Variants in PTPRN2 observed in about 807,000 individuals in gnomAD.
The protein encoded by PTPRN2 is protein tyrosine phosphatase receptor type N2.
In PTPRN2, 74 loss-of-function variants were observed where a neutral mutation model predicts 118.8. The ratio of observed to expected loss-of-function variants is 0.62; its 90% CI spans 0.52 to 0.76. The LOEUF is 0.76. Ranked by LOEUF, PTPRN2 falls within the 30% of genes least tolerant of loss-of-function variation. The pLI is 0.00. For synonymous variants in PTPRN2, 641 were observed against 608.0 expected, an observed-to-expected ratio of 1.05 and a Z score of -0.80; for missense variants, 1,481 against 1,394.4, an observed-to-expected ratio of 1.06 and a Z score of -0.99.
chr7:158,379,245 G>A (rs1222653984), intron 2 of PTPRN2, among the ~76,000 whole-genome samples: 6 of 152,198 alleles, frequency 3.9e-5, no homozygotes, highest in Non-Finnish European at 7.3e-5. Context: ...GGACCCCAGG[G>A]TGGGGGTGAC....
At chr7:158,430,173 T>C (rs1373857332) in intron 2 of PTPRN2, among the ~76,000 whole-genome samples, 2 of 152,240 alleles carry the variant, frequency 1.3e-5, no homozygotes, top group African/African-American at 4.8e-5. Context: ...CCCAAAGTGC[T>C]GAGATTACAG....
At chr7:157,860,736 GCAGA>G (rs1239777662) in intron 12 of PTPRN2, among the ~76,000 whole-genome samples, 15 of 152,366 alleles carry the variant, frequency 9.8e-5, no homozygotes, top group Middle Eastern at 3.4e-3. Flanking sequence ...TGGGTAGAGA[GCAGA>G]CAGTTTCTTA....
Position 157,550,288 on chromosome 7 carries a change from C to A in PTPRN2, c.2903-1269G>T, listed in dbSNP as rs563648758. ...ATCCCAGCAGGGTAGCAGGTGCCTGCGAAGCACCTCCAAGTCACAGCAGGT... is the reference window on the plus strand; with the variant it reads ...ATCCCAGCAGGGTAGCAGGTGCCTGAGAAGCACCTCCAAGTCACAGCAGGT... On this transcript the variant is annotated intron_variant, in intron 21 of 22. Coordinates refer to ENST00000389418, the MANE Select transcript of PTPRN2 (RefSeq NM_002847.5). The surrounding 1 kb of genome is among the most constrained non-coding windows in gnomAD (Gnocchi z 5.2). Among the ~76,000 whole-genome samples, 12 of 151,188 alleles carry A rather than the reference C, an allele frequency of 7.9e-5. No homozygotes were observed. In the South Asian group the frequency reaches 2.3e-3, roughly 29 times the overall value.
intron 2 of PTPRN2, among the ~76,000 whole-genome samples, chr7:158,395,557 CAGGGGCG>C (rs1226443909): frequency 5.1e-5 from 1 of 19,682 alleles, no homozygotes; most frequent in Non-Finnish European, 8.9e-5. Flanking sequence ...CGCGAGGGGC[CAGGGGCG>C]AGGGGCGAGG....
At chr7:158,556,085 G>C (rs1009807213) in intron 1 of PTPRN2, among the ~76,000 whole-genome samples, 1 of 152,212 alleles carries the variant, frequency 6.6e-6, no homozygotes, top group Admixed American at 6.6e-5. Context: ...TTGATAAATA[G>C]CTGATAGACA....
chr7:158,097,488 A>G (rs1814726894), intron 10 of PTPRN2, among the ~76,000 whole-genome samples: 1 of 152,184 alleles, frequency 6.6e-6, no homozygotes, highest in Non-Finnish European at 1.5e-5. Flanking sequence ...GCGTGCCCCG[A>G]ATGCCCCGGC....
At chr7:158,513,800 C>T (rs56326446) in intron 1 of PTPRN2, among the ~76,000 whole-genome samples, 29,453 of 152,192 alleles carry the variant, frequency 0.19, 3,546 homozygotes, top group South Asian at 0.36. Flanking sequence ...TGCCGGGCAG[C>T]GGGAATGTTT....
Position 157,801,788 on chromosome 7 carries a change from C to T in PTPRN2, c.1788+96885G>A, listed in dbSNP as rs944349932. On this transcript the variant is annotated intron_variant, in intron 12 of 22. Transcript: ENST00000389418. The surrounding 1 kb of genome is among the most constrained non-coding windows in gnomAD (Gnocchi z 4.2). ...ACGCCCGCTTAGTGGAAGAACAGAA[C>T]GGCCGCACAGAAAGTGCTTGGTCCT... Among the ~76,000 whole-genome samples, 15 of 152,274 alleles carry T rather than the reference C, an allele frequency of 9.9e-5. No individual in the cohort carries two copies. Among genetic ancestry groups the T allele is most frequent in the Admixed American group, 5.9e-4 (9 of 15,288 alleles).
chr7:157,742,885 A>G (rs1178852544), intron 12 of PTPRN2, among the ~76,000 whole-genome samples: 1 of 152,168 alleles, frequency 6.6e-6, no homozygotes, highest in African/African-American at 2.4e-5. Flanking sequence ...GATATTAAAT[A>G]CTCATAAGTA....
chr7:157,985,051 T>C (rs796098778), intron 11 of PTPRN2, among the ~76,000 whole-genome samples: 19 of 152,346 alleles, frequency 1.2e-4, no homozygotes, highest in African/African-American at 4.1e-4. Flanking sequence ...TCTTGGTTCA[T>C]GGGCCTTGAC....
intron 16 of PTPRN2, among the ~76,000 whole-genome samples, chr7:157,601,656 C>T (rs766153382): frequency 1.2e-4 from 19 of 152,234 alleles, no homozygotes; most frequent in African/African-American, 3.4e-4. Context: ...GTTTCCAGCT[C>T]GACACAGTTG....
intron 12 of PTPRN2, among the ~76,000 whole-genome samples, chr7:157,718,632 G>T (rs906425852): frequency 2.6e-5 from 4 of 151,052 alleles, no homozygotes; most frequent in African/African-American, 9.8e-5. Flanking sequence ...TCTCTCGGTG[G>T]CCCCGTGGTG....
intron 11 of PTPRN2, among the ~76,000 whole-genome samples, chr7:158,063,556 C>T (rs1360624521): frequency 6.6e-6 from 1 of 152,210 alleles, no homozygotes; most frequent in African/African-American, 2.4e-5. Context: ...CTTTGTTCTT[C>T]TGCTCTTTGC....
At chr7:157,933,201 A>G (rs1056795711) in intron 11 of PTPRN2, among the ~76,000 whole-genome samples, 4 of 141,924 alleles carry the variant, frequency 2.8e-5, no homozygotes, top group Non-Finnish European at 6.2e-5. Context: ...TCTGATTGAC[A>G]GTTTTAGAGG....
chr7:158,367,717 T>A (rs1315660425), intron 2 of PTPRN2, among the ~76,000 whole-genome samples: 3 of 152,214 alleles, frequency 2.0e-5, no homozygotes, highest in African/African-American at 7.2e-5. Context: ...AAATAAGCTC[T>A]TGAACCCATC....
chr7:158,508,115 G>A (rs1297061072), intron 1 of PTPRN2, among the ~76,000 whole-genome samples: 1 of 151,804 alleles, frequency 6.6e-6, no homozygotes, highest in Non-Finnish European at 1.5e-5. Flanking sequence ...TCACATACAC[G>A]GAGGTCAGTG....
intron 12 of PTPRN2, among the ~76,000 whole-genome samples, chr7:157,770,455 CT>C (rs1295773016): frequency 6.6e-6 from 1 of 152,236 alleles, no homozygotes; most frequent in Non-Finnish European, 1.5e-5. Flanking sequence ...AGGCTTTCTG[CT>C]GTTGTCAGGC....
chr7:158,195,125 G>C (rs1033576735), intron 4 of PTPRN2, among the ~76,000 whole-genome samples: 9 of 152,190 alleles, frequency 5.9e-5, no homozygotes, highest in African/African-American at 1.9e-4. Flanking sequence ...TGGTCATGGA[G>C]CTCTGTGGGT....
At chr7:158,063,436 G>A (rs1563378322) in intron 11 of PTPRN2, among the ~76,000 whole-genome samples, 1 of 152,200 alleles carries the variant, frequency 6.6e-6, no homozygotes, top group Non-Finnish European at 1.5e-5. Context: ...TCAGCTCTCT[G>A]TAAAATAGAC....
Sources: gnomAD v4.1 joint callset for allele counts (sites outside exome capture counted in the v4.1 genomes callset) on GRCh38, gnomAD v4.1.1 for gene constraint, Gnocchi (gnomAD v3.1) non-coding constraint, MANE v1.5 for transcripts, NCBI Gene and HGNC (gene_info 2026-07-23, HGNC 2026-07-21) for gene names.